The following MTCL2 variants were observed in gnomAD, a reference collection of about 807,000 sequenced individuals.
MTCL2 encodes microtubule cross-linking factor 2.
chr20:36,850,688 T>A, the MTCL2 span, among the ~76,000 whole-genome samples: 1 of 152,272 alleles, frequency 6.6e-6, no homozygotes, highest in South Asian at 2.1e-4. Flanking sequence ...TGCTCCCAAC[T>A]AATTTGTTCT....
the MTCL2 span, among the ~76,000 whole-genome samples, chr20:36,824,660 A>ATT: frequency 0.035 from 5,194 of 150,312 alleles, 346 homozygotes; most frequent in African/African-American, 0.12. Flanking sequence ...TTTTATTTTA[A>ATT]TTTTTTTTTT....
chr20:36,810,136 T>C, the MTCL2 span: 1 of 1,570,900 alleles, frequency 6.4e-7, no homozygotes, highest in Non-Finnish European at 8.6e-7. Context: ...ACACAGATAA[T>C]GAGGAGGGAG....
chr20:36,827,893 A>G, the MTCL2 span, among the ~76,000 whole-genome samples: 1 of 152,124 alleles, frequency 6.6e-6, no homozygotes, highest in Non-Finnish European at 1.5e-5. Context: ...GGGCCAGGCC[A>G]TGGGGGTGGG....
chr20:36,863,394 C>A, the MTCL2 span: 2 of 1,133,570 alleles, frequency 1.8e-6, no homozygotes, highest in Admixed American at 4.8e-5. The surrounding 1 kb of genome is among the most constrained non-coding windows in gnomAD (Gnocchi z 6.2). Flanking sequence ...CAGGCCCGCC[C>A]GGCCTCGACG....
At chr20:36,830,831 G>T in the MTCL2 span, among the ~76,000 whole-genome samples, 1 of 152,242 alleles carries the variant, frequency 6.6e-6, no homozygotes, top group Non-Finnish European at 1.5e-5. Flanking sequence ...CCTGCACACA[G>T]TGAGTTCTGG....
the MTCL2 span, chr20:36,810,141 A>T: frequency 2.0e-5 from 31 of 1,558,464 alleles, no homozygotes; most frequent in Non-Finnish European, 2.3e-5. Flanking sequence ...GATAATGAGG[A>T]GGGAGAGAGA....
At chr20:36,828,942 G>T in the MTCL2 span, 2 of 1,169,550 alleles carry the variant, frequency 1.7e-6, no homozygotes, top group Non-Finnish European at 2.3e-6. Flanking sequence ...TGCCAGGGAG[G>T]CATAAGCTGC....
chr20:36,788,618 A>G, the MTCL2 span, among the ~76,000 whole-genome samples: 1 of 152,206 alleles, frequency 6.6e-6, no homozygotes, highest in African/African-American at 2.4e-5. Context: ...AGCCTAGGCA[A>G]CAGAGCGAGA....
At chr20:36,810,717 C>CCTCTCTCTCCCTCTCTCTCT in the MTCL2 span, among the ~76,000 whole-genome samples, 1 of 94,194 alleles carries the variant, frequency 1.1e-5, no homozygotes, top group African/African-American at 4.0e-5. Context: ...TCTCTCTCTC[C>CCTCTCTCTCCCTCTCTCTCT]CTCTCTCTCT....
the MTCL2 span, among the ~76,000 whole-genome samples, chr20:36,831,469 T>C: frequency 9.2e-5 from 14 of 152,164 alleles, no homozygotes; most frequent in Admixed American, 3.3e-4. Context: ...GTCTCGGAAA[T>C]GACTGTTGTG....
At chr20:36,803,630 A>C in the MTCL2 span, among the ~76,000 whole-genome samples, 12 of 151,966 alleles carry the variant, frequency 7.9e-5, no homozygotes, top group African/African-American at 2.9e-4. Context: ...TGGCCCCAGG[A>C]AGTAGCCAGG....
the MTCL2 span, chr20:36,793,739 G>A: frequency 6.5e-7 from 1 of 1,542,698 alleles, no homozygotes; most frequent in South Asian, 1.2e-5. The surrounding 1 kb of genome is among the most constrained non-coding windows in gnomAD (Gnocchi z 6.8). Context: ...CTTGGACACA[G>A]ACCGCCTCTG....
the MTCL2 span, among the ~76,000 whole-genome samples, chr20:36,852,502 A>T: frequency 6.6e-6 from 1 of 152,174 alleles, no homozygotes; most frequent in Non-Finnish European, 1.5e-5. Context: ...GATATGCAAA[A>T]AACTCCGCAG....
the MTCL2 span, among the ~76,000 whole-genome samples, chr20:36,849,018 T>A: frequency 3.3e-5 from 5 of 151,758 alleles, no homozygotes; most frequent in Admixed American, 2.6e-4. Context: ...ATGTTGTAAT[T>A]TAAAAATACT....
chr20:36,791,323 G>A, the MTCL2 span, among the ~76,000 whole-genome samples: 8 of 152,244 alleles, frequency 5.3e-5, no homozygotes, highest in South Asian at 4.1e-4. Context: ...ATGAGCCACC[G>A]CGCCCGGCCA....
At chr20:36,805,384 C>T in the MTCL2 span, among the ~76,000 whole-genome samples, 1 of 152,134 alleles carries the variant, frequency 6.6e-6, no homozygotes, top group Non-Finnish European at 1.5e-5. Context: ...GGGATCCTGA[C>T]CCCACTGTTC....
the MTCL2 span, chr20:36,793,347 A>T: frequency 6.4e-7 from 1 of 1,551,618 alleles, no homozygotes; most frequent in Admixed American, 2.0e-5. This position sits in a 1 kb window ranked among gnomAD's most constrained non-coding sequence, Gnocchi z 6.8. Flanking sequence ...CTGCTGCCCA[A>T]CTTGGCTGCC....
chr20:36,861,520 C>G, the MTCL2 span, among the ~76,000 whole-genome samples: 1 of 151,976 alleles, frequency 6.6e-6, no homozygotes, highest in South Asian at 2.1e-4. Flanking sequence ...GGGAGAAGCC[C>G]ATTTGGTCAG....
the MTCL2 span, chr20:36,778,952 A>G: frequency 6.6e-6 from 1 of 152,282 alleles, no homozygotes; most frequent in African/African-American, 2.4e-5. Flanking sequence ...CAGCCCTTCA[A>G]AGATGTTTAG....
Sources: allele counts gnomAD v4.1 joint callset (sites outside exome capture counted in the v4.1 genomes callset), GRCh38; gene constraint gnomAD v4.1.1; non-coding constraint Gnocchi (gnomAD v3.1); transcripts MANE v1.5; gene names NCBI Gene and HGNC (gene_info 2026-07-23, HGNC 2026-07-21).